Variants in CDC42BPB observed in about 807,000 individuals in gnomAD.
CDC42BPB encodes CDC42 binding protein kinase beta.
In CDC42BPB, 37 loss-of-function variants were observed where a neutral mutation model predicts 214.9. The observed-to-expected ratio is 0.17, with a 90% CI of 0.13 to 0.23. CDC42BPB has a LOEUF of 0.23. Among genes scored for constraint, CDC42BPB ranks in the 10% least tolerant of loss-of-function variants. The probability of loss-of-function intolerance (pLI) is 1.00; values close to 1 mark genes in which losing one functional copy is unlikely to be tolerated. For synonymous variants in CDC42BPB, 931 were observed against 884.0 expected (o/e 1.05, Z -0.94); for missense variants, 1,694 against 2,227.0 (o/e 0.76, Z 4.82).
chr14:102,941,658 A>G lies in CDC42BPB; in HGVS notation c.4409-1334T>C, dbSNP rs934036792. On this transcript the variant is annotated intron_variant, in intron 30 of 36. Coordinates refer to ENST00000361246, the MANE Select transcript of CDC42BPB (RefSeq NM_006035.4). ...CTAGTTTGCTGACTCAGTGATAAAC[A>G]GATGCCCAGTGAAAAGATTCTAGTG... is the stretch of plus-strand genomic sequence containing the variant. The G allele has an allele frequency of 1.1e-5, 6 of 560,142 alleles. No individual in the cohort carries two copies. In the African/African-American group the frequency reaches 1.2e-4, roughly 11 times the overall value. 34.7% of individuals were successfully genotyped at this position (560,142 alleles called of 1,614,324 possible).
Position 102,940,318 on chromosome 14 carries a change from C to A in CDC42BPB, c.4415G>T (p.Ser1472Ile). The A allele has an allele frequency of 8.3e-6, 13 of 1,570,724 alleles. No homozygotes were observed. The highest frequency in any genetic ancestry group is 1.0e-5 in the Non-Finnish European group (12 of 1,158,126). ...GCTGTACACCGTGACGTGGGTGGGGCTGCAACCTAGCGCAGACGGAGCAGG... is the reference window on the plus strand; with the variant it reads ...GCTGTACACCGTGACGTGGGTGGGGATGCAACCTAGCGCAGACGGAGCAGG... ...WPAAPVACSC[S>I]PTHVTVYSEY... The change falls in exon 31 of 37, where the codon AGC becomes ATC. Residue 1472 changes from serine to isoleucine, a missense_variant. Coordinates refer to ENST00000361246, the MANE Select transcript of CDC42BPB (RefSeq NM_006035.4).
chr14:102,932,483 G>A lies in CDC42BPB; in HGVS notation c.*1229C>T, dbSNP rs1246261210. 2 of 152,402 alleles carry A rather than the reference G, an allele frequency of 1.3e-5. No homozygotes were observed. The highest frequency in any genetic ancestry group is 2.4e-5 in the African/African-American group (1 of 41,438). 9.4% of individuals were successfully genotyped at this position (152,402 alleles called of 1,614,324 possible). On this transcript the variant is annotated 3_prime_UTR_variant, in exon 37 of 37. Transcript: ENST00000361246. ...AAAGACTGAGACTTACATTAAAAAA[G>A]TAAAAACCAGAACCCCCCAGGTGCC...
chr14:103,012,868 C>T (rs547134676), intron 1 of CDC42BPB, among the ~76,000 whole-genome samples: 3 of 152,290 alleles, frequency 2.0e-5, no homozygotes, highest in South Asian at 2.1e-4. Flanking sequence ...CTACAGTGTT[C>T]GGAACTGTCG....
rs1892010264 is a variant in CDC42BPB, at chr14:102,943,754, A to G, written c.4408+137T>C. ...ACCATGCTCTCTGCTGCGGGCTGGC[A>G]TGGGGCCCACCTCTCCCGATGCTCT... On this transcript the variant is annotated intron_variant, in intron 30 of 36. Transcript: ENST00000361246. This position sits in a 1 kb window ranked among gnomAD's most constrained non-coding sequence, Gnocchi z 4.6. 2 of 745,284 alleles carry G rather than the reference A, an allele frequency of 2.7e-6. No individual in the cohort carries two copies. Among genetic ancestry groups the G allele is most frequent in the Non-Finnish European group, 4.3e-6 (2 of 464,166 alleles). 46.2% of individuals were successfully genotyped at this position (745,284 alleles called of 1,614,324 possible).
At chr14:102,989,946 G>T (rs910776648) in intron 5 of CDC42BPB, among the ~76,000 whole-genome samples, 1 of 152,060 alleles carries the variant, frequency 6.6e-6, no homozygotes, top group African/African-American at 2.4e-5. Context: ...GTTTTTAAAG[G>T]TATCACCTTT....
At chr14:103,031,720 C>T (rs1887387019) in intron 1 of CDC42BPB, among the ~76,000 whole-genome samples, 1 of 152,190 alleles carries the variant, frequency 6.6e-6, no homozygotes, top group African/African-American at 2.4e-5. Context: ...AAGGCCCAGC[C>T]TCTGTGCAGC....
rs987951680 is a variant in CDC42BPB, at chr14:103,001,070, C to A, written c.448-1357G>T. 3.9e-5 allele frequency among the ~76,000 whole-genome samples: 6 copies of A among 152,192 alleles called. No individual in the cohort carries two copies. The highest frequency in any genetic ancestry group is 1.4e-4 in the African/African-American group (6 of 41,450). ...CTTCATTTTAGGTCCCTGCTCTCAACAGAATCTTTACCAGCAAACTCTCAT... is the reference window on the plus strand; with the variant it reads ...CTTCATTTTAGGTCCCTGCTCTCAAAAGAATCTTTACCAGCAAACTCTCAT... On this transcript the variant is annotated intron_variant, in intron 4 of 36. Transcript: ENST00000361246. This position sits in a 1 kb window ranked among gnomAD's most constrained non-coding sequence, Gnocchi z 5.8.
At chr14:103,005,290 G>A (rs1212766158) in intron 3 of CDC42BPB, among the ~76,000 whole-genome samples, 1 of 152,142 alleles carries the variant, frequency 6.6e-6, no homozygotes, top group Non-Finnish European at 1.5e-5. Context: ...AAAAATATAA[G>A]TACATTACGG....
chr14:103,051,113 C>T (rs925747847), intron 1 of CDC42BPB, among the ~76,000 whole-genome samples: 4 of 114,630 alleles, frequency 3.5e-5, no homozygotes, highest in African/African-American at 1.4e-4. Flanking sequence ...CAAACTGAAA[C>T]TTGACCTTTA....
intron 27 of CDC42BPB, among the ~76,000 whole-genome samples, chr14:102,947,493 T>A (rs1892236077): frequency 1.3e-5 from 2 of 149,960 alleles, no homozygotes; most frequent in Non-Finnish European, 3.0e-5. Context: ...GAAGGGAGGG[T>A]CAGTGAAGAG....
chr14:102,953,023 C>CCGA (rs1892557143), intron 23 of CDC42BPB, among the ~76,000 whole-genome samples: 1 of 152,230 alleles, frequency 6.6e-6, no homozygotes, highest in African/African-American at 2.4e-5. Flanking sequence ...CCAAGAATCA[C>CCGA]CGACAGGAGG....
chr14:102,966,304 G>C lies in CDC42BPB; in HGVS notation c.2555C>G (p.Ser852Cys). The C allele has an allele frequency of 1.2e-6, 2 of 1,613,896 alleles. No individual in the cohort carries two copies. Among genetic ancestry groups the C allele is most frequent in the Non-Finnish European group, 1.7e-6 (2 of 1,179,804 alleles). ...MTEELEALRS[S>C]SLGSRTLDPL... ...TACCAGTGTTCTTGACCCCAGACTAGAACTCCTCAAAGCCTCGAGCTCTTC... is the reference window on the plus strand; with the variant it reads ...TACCAGTGTTCTTGACCCCAGACTACAACTCCTCAAAGCCTCGAGCTCTTC... The change falls in exon 18 of 37, where the codon TCT becomes TGT. Residue 852 changes from serine (S) to cysteine (C), a missense_variant. By Grantham distance (112) the Ser-to-Cys change is moderately radical (BLOSUM62 -1). Coordinates refer to ENST00000361246, the MANE Select transcript of CDC42BPB (RefSeq NM_006035.4).
chr14:102,998,787 G>A (rs1435150082), intron 5 of CDC42BPB, among the ~76,000 whole-genome samples: 1 of 151,660 alleles, frequency 6.6e-6, no homozygotes, highest in East Asian at 1.9e-4. Context: ...ACGGCACAGA[G>A]AAGACCAGAG....
At position 102,983,550 on chromosome 14, in the gene CDC42BPB, T is replaced by A; in HGVS notation, c.891+6A>T. On this transcript the variant is annotated splice_donor_region_variant and intron_variant, in intron 7 of 36. Coordinates refer to ENST00000361246, the MANE Select transcript of CDC42BPB (RefSeq NM_006035.4). ...CCAAAAAAAAAAAAAAAATGCAACGTCTTACTTCATGGTTCATGATCTTCC... is the reference window on the plus strand; with the variant it reads ...CCAAAAAAAAAAAAAAAATGCAACGACTTACTTCATGGTTCATGATCTTCC... 6.4e-7 allele frequency: 1 copy of A among 1,573,388 alleles called. No homozygotes were observed. Among genetic ancestry groups the A allele is most frequent in the Non-Finnish European group, 8.5e-7 (1 of 1,171,752 alleles).
At chr14:103,038,108 G>C (rs550273031) in intron 1 of CDC42BPB, among the ~76,000 whole-genome samples, 2 of 150,884 alleles carry the variant, frequency 1.3e-5, no homozygotes, top group Admixed American at 1.3e-4. Flanking sequence ...AGGCCGAGGT[G>C]GGTGGATCAC....
chr14:102,938,782 T>C (rs1056241408), intron 34 of CDC42BPB, among the ~76,000 whole-genome samples: 3 of 150,746 alleles, frequency 2.0e-5, no homozygotes, highest in African/African-American at 7.3e-5. Flanking sequence ...ATGCCCACCA[T>C]CACACCCAGC....
At position 102,975,789 on chromosome 14, in the gene CDC42BPB, C is replaced by G. The variant is rs759330821; in HGVS notation, c.1402G>C (p.Val468Leu). The change falls in exon 11 of 37, where the codon GTG becomes CTG. Residue 468 changes from valine (V) to leucine (L), a missense_variant. Val to Leu is a conservative substitution (Grantham distance 32). Transcript: ENST00000361246. The part of the protein sequence containing the change: ...SRKLQESTQT[V>L]QSLHGSSRAL... Reference sequence around the variant, plus strand: ...CGAGATGAGCCGTGGAGGGACTGCACGGTCTGGGTGGACTCTGAGGGATGG... The same window carrying G: ...CGAGATGAGCCGTGGAGGGACTGCAGGGTCTGGGTGGACTCTGAGGGATGG... 1.2e-6 allele frequency: 2 copies of G among 1,614,166 alleles called. No individual in the cohort carries two copies. The highest frequency in any genetic ancestry group is 1.7e-6 in the Non-Finnish European group (2 of 1,180,022).
chr14:102,933,729 G>C lies in CDC42BPB; in HGVS notation c.5119C>G (p.Pro1707Ala). The C allele has an allele frequency of 1.4e-6, 2 of 1,480,424 alleles. No homozygotes were observed. Among genetic ancestry groups the C allele is most frequent in the Non-Finnish European group, 1.8e-6 (2 of 1,130,522 alleles). The allele number at this position is 1,480,424 out of a possible 1,614,324, so 91.7% of individuals were successfully genotyped here. A position where few individuals can be genotyped will look rare whatever the true frequency, so the allele number is the denominator to read the frequency against. ...TGGCGGCTTCAGGTGTCACAGGCCG[G>C]CTGCTCCAGGCCTTCGAGGGGGAGC... The part of the protein sequence containing the change: ...SQLPLEGLEQ[P>A]ACDT Residue 1707 changes from proline (P) to alanine (A), a missense_variant, in exon 37 of 37, where the codon CCG becomes GCG. Coordinates refer to ENST00000361246, the MANE Select transcript of CDC42BPB (RefSeq NM_006035.4).
chr14:102,999,677 G>A lies in CDC42BPB; in HGVS notation c.484C>T (p.Leu162=). 1 of 1,614,186 alleles carries A rather than the reference G, an allele frequency of 6.2e-7. No homozygotes were observed. The highest frequency in any genetic ancestry group is 8.5e-7 in the Non-Finnish European group (1 of 1,180,032). ...VMDYYVGGDL[L]TLLSKFEDKL... is the part of the protein sequence containing the mutation. ...TCTTCAAATTTGCTGAGCAGGGTCA[G>A]TAAATCACCACCCACATAGTAATCC... The change falls in exon 5 of 37, where the codon CTG becomes TTG. Residue 162 remains leucine (L), a synonymous_variant. Coordinates refer to ENST00000361246, the MANE Select transcript of CDC42BPB (RefSeq NM_006035.4).
Sources: gnomAD v4.1 joint callset for allele counts (sites outside exome capture counted in the v4.1 genomes callset) on GRCh38, gnomAD v4.1.1 for gene constraint, Gnocchi (gnomAD v3.1) non-coding constraint, MANE v1.5 for transcripts, NCBI Gene and HGNC (gene_info 2026-07-23, HGNC 2026-07-21) for gene names.